The following SMIM36 variants were observed in gnomAD, a reference collection of about 807,000 sequenced individuals.
SMIM36 encodes small integral membrane protein 36.
chr17:55,513,745 A>G (rs934313760), upstream of SMIM36, among the ~76,000 whole-genome samples: 9 of 152,256 alleles, frequency 5.9e-5, no homozygotes, highest in Non-Finnish European at 4.4e-5. Context: ...TGAAATGAGA[A>G]CTACATATAG....
chr17:55,503,891 A>C (rs1177135485), intron 1 of SMIM36, among the ~76,000 whole-genome samples: 7 of 134,232 alleles, frequency 5.2e-5, no homozygotes, highest in Non-Finnish European at 1.1e-4. Flanking sequence ...TCTACCAAGC[A>C]AATGGAAAAC....
chr17:55,472,893 A>C (rs1319082333), intron 3 of SMIM36, among the ~76,000 whole-genome samples: 1 of 151,650 alleles, frequency 6.6e-6, no homozygotes, highest in Non-Finnish European at 1.5e-5. Flanking sequence ...AAAAGAAAAG[A>C]AAAAAGAAAA....
the SMIM36 span, among the ~76,000 whole-genome samples, chr17:55,522,605 G>A: frequency 6.6e-6 from 1 of 152,152 alleles, no homozygotes; most frequent in Non-Finnish European, 1.5e-5. Context: ...GGGGCAAACT[G>A]CCCCTGTGAT....
intron 4 of SMIM36, among the ~76,000 whole-genome samples, chr17:55,462,169 CACTTAAT>C (rs1427145749): frequency 6.6e-6 from 1 of 152,124 alleles, no homozygotes; most frequent in Admixed American, 6.5e-5. Context: ...TTGACTTCCC[CACTTAAT>C]ACTTAAAAGT....
chr17:55,482,019 C>T (rs940072035), intron 1 of SMIM36, among the ~76,000 whole-genome samples: 1 of 152,152 alleles, frequency 6.6e-6, no homozygotes, highest in African/African-American at 2.4e-5. Context: ...TTTAATAAAA[C>T]TTTAATTTAT....
At chr17:55,516,068 T>C (rs1910271105), upstream of SMIM36, among the ~76,000 whole-genome samples, 2 of 152,196 alleles carry the variant, frequency 1.3e-5, no homozygotes, top group Admixed American at 1.3e-4. Context: ...TTTACTTCTA[T>C]AAAAAACAAA....
chr17:55,482,242 A>G (rs1909533049), intron 1 of SMIM36, among the ~76,000 whole-genome samples: 1 of 152,164 alleles, frequency 6.6e-6, no homozygotes, highest in Non-Finnish European at 1.5e-5. Flanking sequence ...ATGTGTCCAT[A>G]CTTTTTTCCT....
chr17:55,526,812 C>T, the SMIM36 span, among the ~76,000 whole-genome samples: 1 of 152,160 alleles, frequency 6.6e-6, no homozygotes, highest in Non-Finnish European at 1.5e-5. Flanking sequence ...CCTCCCCACA[C>T]TCTCAGTCTC....
chr17:55,526,659 T>C, the SMIM36 span, among the ~76,000 whole-genome samples: 4 of 152,342 alleles, frequency 2.6e-5, no homozygotes, highest in South Asian at 2.1e-4. Context: ...AAATGGACAA[T>C]AATGGCTTTT....
the SMIM36 span, among the ~76,000 whole-genome samples, chr17:55,527,490 T>C: frequency 1.3e-5 from 2 of 151,646 alleles, no homozygotes; most frequent in Admixed American, 6.6e-5. Flanking sequence ...TGGGATCCAG[T>C]TTTTCTCAGT....
chr17:55,529,816 CAA>C, the SMIM36 span, among the ~76,000 whole-genome samples: 14 of 152,112 alleles, frequency 9.2e-5, no homozygotes, highest in Admixed American at 9.2e-4. Context: ...AAAAACAAAA[CAA>C]ACACATTTTA....
At chr17:55,457,816 G>T (rs7224589) in intron 4 of SMIM36, among the ~76,000 whole-genome samples, 4,053 of 152,082 alleles carry the variant, frequency 0.027, 193 homozygotes, top group African/African-American at 0.092. Flanking sequence ...TTGAGCTACC[G>T]CGCCGGCCTT....
chr17:55,501,473 TATA>T (rs1417099097), intron 1 of SMIM36, among the ~76,000 whole-genome samples: 1 of 92,148 alleles, frequency 1.1e-5, no homozygotes, highest in Non-Finnish European at 1.9e-5. Context: ...TATTATATTT[TATA>T]ATTATTATAT....
the SMIM36 span, among the ~76,000 whole-genome samples, chr17:55,525,097 C>T: frequency 1.3e-5 from 2 of 152,212 alleles, no homozygotes; most frequent in African/African-American, 4.8e-5. Flanking sequence ...GAGCCTGCAC[C>T]TGTAACTTCT....
intron 1 of SMIM36, among the ~76,000 whole-genome samples, chr17:55,510,503 G>A (rs1394121608): frequency 6.6e-6 from 1 of 152,148 alleles, no homozygotes; most frequent in African/African-American, 2.4e-5. Flanking sequence ...GGCTGAAGTG[G>A]GAAGGTTGCT....
chr17:55,477,582 T>C (rs956829846), intron 3 of SMIM36, among the ~76,000 whole-genome samples: 2 of 152,188 alleles, frequency 1.3e-5, no homozygotes, highest in African/African-American at 4.8e-5. Context: ...TTCTGTGTAC[T>C]GGGGATTAGG....
upstream of SMIM36, among the ~76,000 whole-genome samples, chr17:55,515,620 TAG>T (rs946907217): frequency 1.3e-5 from 2 of 152,052 alleles, no homozygotes; most frequent in African/African-American, 4.8e-5. Flanking sequence ...TATGGAAAGA[TAG>T]AGAGAGATCG....
chr17:55,523,387 G>T, the SMIM36 span, among the ~76,000 whole-genome samples: 1 of 152,018 alleles, frequency 6.6e-6, no homozygotes, highest in Non-Finnish European at 1.5e-5. Flanking sequence ...AAAATTAGTT[G>T]GGCATGGTGG....
At chr17:55,513,761 TC>T (rs1598460795), upstream of SMIM36, among the ~76,000 whole-genome samples, 4 of 152,340 alleles carry the variant, frequency 2.6e-5, no homozygotes, top group East Asian at 7.7e-4. Flanking sequence ...TATAGTTTAG[TC>T]CACATTAAAT....
Sources: allele counts gnomAD v4.1 joint callset (sites outside exome capture counted in the v4.1 genomes callset), GRCh38; gene constraint gnomAD v4.1.1; transcripts MANE v1.5; gene names NCBI Gene and HGNC (gene_info 2026-07-23, HGNC 2026-07-21).